AGO2: variants seen among roughly 807,000 people sequenced by gnomAD.
AGO2 encodes protein argonaute-2.
AGO2 carries 5 observed loss-of-function variants against 102.3 expected under a neutral mutation model. The observed-to-expected ratio is 0.05, with a 90% CI of 0.03 to 0.10. The LOEUF (loss-of-function observed/expected upper bound fraction) is 0.10, where lower values mean the gene tolerates loss of function less well. Ranked by LOEUF, AGO2 falls within the 10% of genes least tolerant of loss-of-function variation. The probability of loss-of-function intolerance (pLI) is 1.00; values close to 1 mark genes in which losing one functional copy is unlikely to be tolerated. For synonymous variants in AGO2, 449 were observed against 473.1 expected (o/e 0.95, Z 0.66); for missense variants, 541 against 1,183.7 (o/e 0.46, Z 7.97).
upstream of AGO2, among the ~76,000 whole-genome samples, chr8:140,640,232 G>A (rs2074432592): frequency 6.6e-6 from 1 of 151,952 alleles, no homozygotes; most frequent in Non-Finnish European, 1.5e-5. Flanking sequence ...CTTGTCTTGA[G>A]CTCCTGACCT....
chr8:140,535,211 G>A (rs549296926), intron 17 of AGO2, among the ~76,000 whole-genome samples: 17 of 152,264 alleles, frequency 1.1e-4, no homozygotes, highest in African/African-American at 4.1e-4. Context: ...GGCTCCCCAA[G>A]GCCCTTGGTG....
chr8:140,628,165 C>T (rs950953487), intron 1 of AGO2, among the ~76,000 whole-genome samples: 3 of 152,254 alleles, frequency 2.0e-5, no homozygotes, highest in African/African-American at 7.2e-5. Flanking sequence ...TTCCTGCTCC[C>T]CCGGCCGCAG....
rs1471247257 is a variant in AGO2 at position 140,589,933 on chromosome 8, C to T, written c.23-4622G>A. On this transcript the variant is annotated intron_variant, in intron 1 of 18. Coordinates refer to ENST00000220592, the MANE Select transcript of AGO2 (RefSeq NM_012154.5). This position sits in a 1 kb window ranked among gnomAD's most constrained non-coding sequence, Gnocchi z 4.2. Reference sequence around the variant, plus strand: ...ACCTGTTGTCTACACAAGCAAGCCTCCCTTATGGCCACCCAAGTTGACGCT... The same window carrying T: ...ACCTGTTGTCTACACAAGCAAGCCTTCCTTATGGCCACCCAAGTTGACGCT... 6.6e-6 allele frequency among the ~76,000 whole-genome samples: 1 copy of T among 152,258 alleles called. No homozygotes were observed. The highest frequency in any genetic ancestry group is 2.4e-5 in the African/African-American group (1 of 41,466).
intron 1 of AGO2, among the ~76,000 whole-genome samples, chr8:140,587,863 C>G (rs2073682205): frequency 1.3e-5 from 2 of 152,210 alleles, no homozygotes; most frequent in African/African-American, 4.8e-5. Flanking sequence ...ATCTGGGATG[C>G]CTTCACCAAG....
chr8:140,573,936 C>T (rs931853466), intron 2 of AGO2, among the ~76,000 whole-genome samples: 2 of 152,240 alleles, frequency 1.3e-5, no homozygotes, highest in African/African-American at 4.8e-5. Flanking sequence ...GCTACCCCTC[C>T]AGTCCAGCCT....
At chr8:140,560,608 A>G (rs1344315733) in intron 4 of AGO2, 98 bp from the exon 5 acceptor site, 3 of 1,409,516 alleles carry the variant, frequency 2.1e-6, no homozygotes, top group East Asian at 4.6e-5. Context: ...CCACACCCTC[A>G]TCAGAGTTCC....
At chr8:140,535,822 A>G (rs889748284) in intron 16 of AGO2, among the ~76,000 whole-genome samples, 10 of 152,350 alleles carry the variant, frequency 6.6e-5, no homozygotes, top group African/African-American at 2.4e-4. Context: ...AGTTAAATGC[A>G]GTCTTTTCAC....
chr8:140,546,099 A>C (rs2072895282), intron 13 of AGO2, among the ~76,000 whole-genome samples: 1 of 152,134 alleles, frequency 6.6e-6, no homozygotes, highest in Non-Finnish European at 1.5e-5. Context: ...CTCAATAAAT[A>C]CAGAACCTGT....
At position 140,549,410 on chromosome 8, in the gene AGO2, T is replaced by C. The variant is rs148553342; in HGVS notation, c.1404-112A>G. 1.1e-4 allele frequency: 120 copies of C among 1,096,964 alleles called. 2 individuals carry two copies. The highest frequency in any genetic ancestry group is 7.5e-4 in the South Asian group (45 of 59,606). 68.0% of individuals were successfully genotyped at this position (1,096,964 alleles called of 1,614,324 possible). A position where few individuals can be genotyped will look rare whatever the true frequency, so the allele number is the denominator to read the frequency against. ...TTTTACAAAGCCCAAAGCACTTTCATTGAGGTCAAAATTGTTCTTAAAGTC... is the reference window on the plus strand; with the variant it reads ...TTTTACAAAGCCCAAAGCACTTTCACTGAGGTCAAAATTGTTCTTAAAGTC... On this transcript the variant is annotated intron_variant, in intron 11 of 18. Transcript: ENST00000220592.
At chr8:140,561,101 A>G (rs2073193841) in intron 4 of AGO2, among the ~76,000 whole-genome samples, 1 of 152,118 alleles carries the variant, frequency 6.6e-6, no homozygotes, top group African/African-American at 2.4e-5. Flanking sequence ...GGGCTTCACA[A>G]CCTCTTCCGG....
chr8:140,638,603 G>C (rs139686662), upstream of AGO2, among the ~76,000 whole-genome samples: 1 of 152,226 alleles, frequency 6.6e-6, no homozygotes, highest in Non-Finnish European at 1.5e-5. Flanking sequence ...TATATACTTT[G>C]AGACAGGATC....
intron 1 of AGO2, among the ~76,000 whole-genome samples, chr8:140,613,847 C>A (rs34644188): frequency 0.39 from 49,604 of 126,492 alleles, 8,353 homozygotes; most frequent in Admixed American, 0.49. Context: ...GAGACCTCGT[C>A]TCCACAACAA....
At position 140,522,792 on chromosome 8, in the gene AGO2, C is replaced by G. The variant is rs1393250256; in HGVS notation, c.*9252G>C. ...TCCCTTTAACTCCAGAAAAAAATAA[C>G]TTGAATTATGATACAGCATCTTGAT... On this transcript the variant is annotated 3_prime_UTR_variant, in exon 19 of 19. Coordinates refer to ENST00000220592, the MANE Select transcript of AGO2 (RefSeq NM_012154.5). 2.0e-5 allele frequency: 3 copies of G among 149,458 alleles called. No individual in the cohort carries two copies. The highest frequency in any genetic ancestry group is 4.4e-5 in the Non-Finnish European group (3 of 67,780). 9.3% of individuals were successfully genotyped at this position (149,458 alleles called of 1,614,324 possible). A position where few individuals can be genotyped will look rare whatever the true frequency, so the allele number is the denominator to read the frequency against.
chr8:140,537,359 T>G (rs2072716692), intron 16 of AGO2, among the ~76,000 whole-genome samples: 1 of 151,720 alleles, frequency 6.6e-6, no homozygotes, highest in African/African-American at 2.4e-5. Flanking sequence ...CGGAGTGCAG[T>G]GGTGCAATCA....
intron 8 of AGO2, among the ~76,000 whole-genome samples, chr8:140,556,728 T>C (rs2073100349): frequency 6.6e-6 from 1 of 151,842 alleles, no homozygotes; most frequent in Non-Finnish European, 1.5e-5. Flanking sequence ...TGGCTCAGGG[T>C]CGGAATTTGA....
At chr8:140,548,649 ATCTG>A (rs2048763784) in intron 12 of AGO2, among the ~76,000 whole-genome samples, 1 of 152,148 alleles carries the variant, frequency 6.6e-6, no homozygotes, top group African/African-American at 2.4e-5. Flanking sequence ...CATGTCAATA[ATCTG>A]TCTGTGGCTC....
At position 140,539,936 on chromosome 8, in the gene AGO2, A is replaced by G. The variant is rs1385297764; in HGVS notation, c.2035-482T>C. 6.6e-6 allele frequency among the ~76,000 whole-genome samples: 1 copy of G among 152,024 alleles called. No individual in the cohort carries two copies. Among genetic ancestry groups the G allele is most frequent in the East Asian group, 1.9e-4 (1 of 5,150 alleles). ...ACCCCATTTCTACTAAAAATACAAA[A>G]ATTAACTGGGCGTGGTGGTGGGCAC... is the stretch of plus-strand genomic sequence containing the variant. On this transcript the variant is annotated intron_variant, in intron 15 of 18. Coordinates refer to ENST00000220592, the MANE Select transcript of AGO2 (RefSeq NM_012154.5). The surrounding 1 kb of genome is among the most constrained non-coding windows in gnomAD (Gnocchi z 4.7).
rs529605227 is a variant in AGO2, at chr8:140,585,451, A to C, written c.23-140T>G. 1.4e-5 allele frequency: 13 copies of C among 909,686 alleles called. No homozygotes were observed. The East Asian group carries it at 2.4e-4, about 17-fold the overall frequency. The allele number at this position is 909,686 out of a possible 1,614,324, so 56.4% of individuals were successfully genotyped here. A position where few individuals can be genotyped will look rare whatever the true frequency, so the allele number is the denominator to read the frequency against. On this transcript the variant is annotated intron_variant, in intron 1 of 18. Transcript: ENST00000220592. ...AGGCCAATATTGCATTCCACAGAGGAGGCGTCTCAACGTCAAGCCAATAAT... is the reference window on the plus strand; with the variant it reads ...AGGCCAATATTGCATTCCACAGAGGCGGCGTCTCAACGTCAAGCCAATAAT...
chr8:140,536,947 C>T (rs1239026290), intron 16 of AGO2, among the ~76,000 whole-genome samples: 1 of 152,162 alleles, frequency 6.6e-6, no homozygotes, highest in African/African-American at 2.4e-5. Flanking sequence ...ACAACAAATT[C>T]ATCTGAATCT....
Sources: gnomAD v4.1 joint callset for allele counts (sites outside exome capture counted in the v4.1 genomes callset) on GRCh38, gnomAD v4.1.1 for gene constraint, Gnocchi (gnomAD v3.1) non-coding constraint, MANE v1.5 for transcripts, NCBI Gene and HGNC (gene_info 2026-07-23, HGNC 2026-07-21) for gene names.